Variants in PFKP observed in about 807,000 individuals in gnomAD.
PFKP encodes the protein phosphofructokinase, platelet.
In PFKP, 101 loss-of-function variants were observed where a neutral mutation model predicts 94.3. The observed-to-expected ratio is 1.07, with a 90% CI of 0.91 to 1.26. The LOEUF (loss-of-function observed/expected upper bound fraction) is 1.26. Among genes scored for constraint, PFKP ranks in the 50% most tolerant of loss-of-function variants. PFKP has a pLI of 0.00. For missense variants in PFKP, 1,145 were observed against 1,103.3 expected (o/e 1.04, Z -0.53); for synonymous variants, 573 against 432.6 (o/e 1.32, Z -4.03).
Position 3,118,881 on chromosome 10 carries a change from T to C in PFKP, c.1530+12T>C. The C allele has an allele frequency of 1.2e-6, 2 of 1,604,692 alleles. No homozygotes were observed. The highest frequency in any genetic ancestry group is 1.7e-6 in the Non-Finnish European group (2 of 1,172,310). On this transcript the variant is annotated intron_variant, in intron 15 of 21. Transcript: ENST00000381125. Reference sequence around the variant, plus strand: ...TCGGTGGATTCGAGGTACGTTACCGTTTCTCTCTTGCCGGTCTTGCAGGTG... The same window carrying C: ...TCGGTGGATTCGAGGTACGTTACCGCTTCTCTCTTGCCGGTCTTGCAGGTG...
chr10:3,110,365 A>ATTTTTTTTTTTTTTTTTT (rs57980780), intron 10 of PFKP, among the ~76,000 whole-genome samples: 1 of 92,578 alleles, frequency 1.1e-5, no homozygotes, highest in African/African-American at 4.1e-5. Flanking sequence ...CGCCTGGCTA[A>ATTTTTTTTTTTTTTTTTT]TTTTTTTTTT....
chr10:3,096,062 T>C (rs1834452449), intron 2 of PFKP, among the ~76,000 whole-genome samples: 1 of 152,248 alleles, frequency 6.6e-6, no homozygotes, highest in Non-Finnish European at 1.5e-5. Flanking sequence ...AGAGCAGTTT[T>C]CTTACTACTC....
Position 3,105,387 on chromosome 10 carries a change from A to G in PFKP, c.666-6A>G. Reference sequence around the variant, plus strand: ...GGGTGTTGATGCTGTTGCCTTGTCCACATAGGTACCTGGCCCTGGTGAGTG... The same window carrying G: ...GGGTGTTGATGCTGTTGCCTTGTCCGCATAGGTACCTGGCCCTGGTGAGTG... On this transcript the variant is annotated splice_region_variant and splice_polypyrimidine_tract_variant and intron_variant, in intron 6 of 21. Coordinates refer to ENST00000381125, the MANE Select transcript of PFKP (RefSeq NM_002627.5). 6.2e-7 allele frequency: 1 copy of G among 1,610,234 alleles called. No homozygotes were observed. Among genetic ancestry groups the G allele is most frequent in the African/African-American group, 1.3e-5 (1 of 74,950 alleles).
At chr10:3,068,479 C>A in intron 1 of PFKP, 2 of 172,242 alleles carry the variant, frequency 1.2e-5, no homozygotes, top group Non-Finnish European at 2.3e-5. Context: ...CGCCAGCCTC[C>A]GCAGACGGGA....
intron 4 of PFKP, 50 bp from the exon 5 acceptor site, chr10:3,103,729 G>A (rs370726143): frequency 1.5e-4 from 246 of 1,603,320 alleles, no homozygotes; most frequent in Non-Finnish European, 1.9e-4. Flanking sequence ...GGCACCCCCC[G>A]AACGCGCCAT....
intron 6 of PFKP, 70 bp from the exon 7 acceptor site, chr10:3,105,323 C>CG (rs1214430558): frequency 2.9e-6 from 4 of 1,379,974 alleles, no homozygotes; most frequent in Non-Finnish European, 4.1e-6. Flanking sequence ...TGTCGCTGAG[C>CG]GGGGTGCCTG....
intron 6 of PFKP, 47 bp downstream of exon 6, chr10:3,105,206 C>T (rs202229708): frequency 1.3e-6 from 2 of 1,562,434 alleles, no homozygotes; most frequent in Non-Finnish European, 8.8e-7. Context: ...GGTGGGGGAC[C>T]CTCAGCATCA....
intron 1 of PFKP, among the ~76,000 whole-genome samples, chr10:3,071,245 C>G (rs1323978203): frequency 2.0e-5 from 3 of 152,070 alleles, no homozygotes; most frequent in Non-Finnish European, 4.4e-5. Context: ...ATGTGATGGG[C>G]TGCTTTTTCT....
At chr10:3,134,396 A>T in intron 19 of PFKP, 87 bp from the exon 20 acceptor site, 1 of 821,452 alleles carries the variant, frequency 1.2e-6, no homozygotes, top group South Asian at 1.5e-5. Flanking sequence ...AAAAACATGA[A>T]TTCTGCAAAA....
At chr10:3,132,875 ATGCAGGG>A (rs1171646960) in intron 18 of PFKP, among the ~76,000 whole-genome samples, 2 of 151,094 alleles carry the variant, frequency 1.3e-5, no homozygotes, top group African/African-American at 4.9e-5. Flanking sequence ...CAGCATGGAG[ATGCAGGG>A]CACAGGGATG....
At chr10:3,127,294 G>A (rs577308285) in intron 16 of PFKP, among the ~76,000 whole-genome samples, 2 of 152,236 alleles carry the variant, frequency 1.3e-5, no homozygotes, top group South Asian at 2.1e-4. Context: ...TCAGGGCTGC[G>A]CTGTTCCACA....
At chr10:3,081,857 T>C (rs1034306887) in intron 1 of PFKP, among the ~76,000 whole-genome samples, 7 of 151,216 alleles carry the variant, frequency 4.6e-5, no homozygotes, top group Admixed American at 4.6e-4. Context: ...TATAACACTG[T>C]TCTTCTCAAG....
intron 2 of PFKP, among the ~76,000 whole-genome samples, chr10:3,096,413 C>T (rs576589141): frequency 3.3e-5 from 5 of 152,206 alleles, no homozygotes; most frequent in Non-Finnish European, 5.9e-5. Context: ...ATGACCGCAA[C>T]AGCTCTGGGT....
At chr10:3,109,220 C>T (rs868549029) in intron 9 of PFKP, 135 bp from the exon 10 acceptor site, 1 of 1,188,166 alleles carries the variant, frequency 8.4e-7, no homozygotes. Flanking sequence ...TCGCTTTGCT[C>T]TAAAGAGTTG....
At chr10:3,093,084 C>A (rs1834182322) in intron 2 of PFKP, among the ~76,000 whole-genome samples, 1 of 151,922 alleles carries the variant, frequency 6.6e-6, no homozygotes, top group Middle Eastern at 3.2e-3. Flanking sequence ...ACCACGGAAG[C>A]CTGAGCTCCC....
rs146506850 is a variant in PFKP, at chr10:3,101,496, C to T, written c.396C>T (p.Thr132=). 2.6e-5 allele frequency: 42 copies of T among 1,597,136 alleles called. No homozygotes were observed. Among genetic ancestry groups the T allele is most frequent in the African/African-American group, 1.1e-4 (8 of 74,542 alleles). The part of the protein sequence containing the change: ...LCVIGGDGSL[T]GANLFRKEWS... ...TGATCGGCGGGGACGGGAGCCTCACCGGGGCCAACCTCTTCCGGAAGGAGT... is the reference window on the plus strand; with the variant it reads ...TGATCGGCGGGGACGGGAGCCTCACTGGGGCCAACCTCTTCCGGAAGGAGT... Residue 132 remains threonine (T), a synonymous_variant, in exon 4 of 22, where the codon ACC becomes ACT. Coordinates refer to ENST00000381125, the MANE Select transcript of PFKP (RefSeq NM_002627.5).
At chr10:3,114,633 C>T (rs1836608851) in intron 13 of PFKP, among the ~76,000 whole-genome samples, 3 of 152,246 alleles carry the variant, frequency 2.0e-5, no homozygotes, top group Non-Finnish European at 2.9e-5. Context: ...GGAGATCCCC[C>T]AGACAGCAAT....
Position 3,121,612 on chromosome 10 carries a change from A to G in PFKP, c.1683+1568A>G, listed in dbSNP as rs113867909. ...TTTTTTTTTTTTTCAGATTGTAAAT[A>G]TGTAACAAATGCATAGGGTCAAATT... On this transcript the variant is annotated intron_variant, in intron 16 of 21. Transcript: ENST00000381125. 8.4e-3 allele frequency among the ~76,000 whole-genome samples: 1,178 copies of G among 140,624 alleles called. 10 individuals are homozygous for G. The highest frequency in any genetic ancestry group is 0.013 in the Non-Finnish European group (850 of 65,706). 92.3% of individuals were successfully genotyped at this position (140,624 alleles called of 152,430 possible). A position where few individuals can be genotyped will look rare whatever the true frequency, so the allele number is the denominator to read the frequency against.
At chr10:3,126,845 C>T (rs1161992564) in intron 16 of PFKP, among the ~76,000 whole-genome samples, 7 of 152,274 alleles carry the variant, frequency 4.6e-5, no homozygotes, top group East Asian at 3.8e-4. Context: ...GCAGCAGGAT[C>T]GCCTCTGCGT....
Sources: allele counts gnomAD v4.1 joint callset (sites outside exome capture counted in the v4.1 genomes callset), GRCh38; gene constraint gnomAD v4.1.1; transcripts MANE v1.5; gene names NCBI Gene and HGNC (gene_info 2026-07-23, HGNC 2026-07-21).